RUNX2: variants seen among roughly 807,000 people sequenced by gnomAD.
The protein encoded by RUNX2 is RUNX family transcription factor 2, also known as runt-related transcription factor 2.
RUNX2 carries 10 observed loss-of-function variants against 51.7 expected under a neutral mutation model. That is an observed-to-expected ratio of 0.19 (90% CI 0.12 to 0.33). RUNX2 has a LOEUF of 0.33. RUNX2 is among the 10% of genes least tolerant of loss of function. RUNX2 has a pLI of 1.00. For missense variants in RUNX2, 562 were observed against 691.3 expected (o/e 0.81, Z 2.10); for synonymous variants, 276 against 273.6 (o/e 1.01, Z -0.09).
intron 5 of RUNX2, among the ~76,000 whole-genome samples, chr6:45,470,800 G>A (rs1799778480): frequency 6.6e-6 from 1 of 152,156 alleles, no homozygotes; most frequent in African/African-American, 2.4e-5. Flanking sequence ...CTGAAGACAT[G>A]CCTCAAACTC....
chr6:45,368,289 A>G (rs2150294973), intron 2 of RUNX2, among the ~76,000 whole-genome samples: 1 of 152,324 alleles, frequency 6.6e-6, no homozygotes, highest in South Asian at 2.1e-4. Context: ...TCTGATTAAT[A>G]GTATTTAAAC....
intron 3 of RUNX2, among the ~76,000 whole-genome samples, chr6:45,430,018 T>A (rs1798494153): frequency 1.3e-5 from 2 of 151,296 alleles, no homozygotes; most frequent in African/African-American, 4.9e-5. Flanking sequence ...CACTTGAACC[T>A]GGGAGGTGGA....
At chr6:45,432,454 G>T (rs181001796) in intron 4 of RUNX2, among the ~76,000 whole-genome samples, 2 of 152,110 alleles carry the variant, frequency 1.3e-5, no homozygotes, top group African/African-American at 4.8e-5. Flanking sequence ...CTTATCACAG[G>T]TTACCTCTAT....
At chr6:45,488,252 T>C (rs951403085) in intron 5 of RUNX2, among the ~76,000 whole-genome samples, 2 of 152,032 alleles carry the variant, frequency 1.3e-5, no homozygotes, top group Non-Finnish European at 2.9e-5. Context: ...TCAAGGAAAA[T>C]GTCTAGGCTT....
rs778680839 is a variant in RUNX2, at chr6:45,422,747, G to GCAACAGCAGCA, written c.213_214insCAACAGCAGCA (p.Glu72GlnfsTer76). On this transcript the variant is annotated frameshift_variant, in exon 3 of 9. Coordinates refer to ENST00000647337, the MANE Select transcript of RUNX2 (RefSeq NM_001024630.4). LOFTEE classifies it high-confidence loss of function. ...AGCAGCAACAGCAGCAGCAGCAGCA[G>GCAACAGCAGCA]GAGGCGGCGGCGGCGGCTGCGGCGG... 1 of 1,542,578 alleles carries GCAACAGCAGCA rather than the reference G, an allele frequency of 6.5e-7. No homozygotes were observed. Among genetic ancestry groups the GCAACAGCAGCA allele is most frequent in the Admixed American group, 2.0e-5 (1 of 49,362 alleles).
At chr6:45,437,917 A>T in intron 4 of RUNX2, 30 bp from the exon 5 acceptor site, 4 of 1,462,598 alleles carry the variant, frequency 2.7e-6, no homozygotes, top group Non-Finnish European at 3.8e-6. Flanking sequence ...TTTAATATTC[A>T]CTGTATATTT....
chr6:45,354,572 A>C (rs1792752473), intron 2 of RUNX2, among the ~76,000 whole-genome samples: 2 of 152,074 alleles, frequency 1.3e-5, no homozygotes, highest in Non-Finnish European at 2.9e-5. Context: ...AAGGGGCTTC[A>C]CTGCATTTAA....
intron 5 of RUNX2, among the ~76,000 whole-genome samples, chr6:45,471,370 T>C (rs920269763): frequency 1.3e-5 from 2 of 152,016 alleles, no homozygotes; most frequent in Non-Finnish European, 2.9e-5. Context: ...AAGCAGGGTG[T>C]TTTGTGCATA....
At chr6:45,332,476 A>G (rs1787712568) in intron 2 of RUNX2, among the ~76,000 whole-genome samples, 1 of 151,844 alleles carries the variant, frequency 6.6e-6, no homozygotes, top group Non-Finnish European at 1.5e-5. Context: ...TGACGGCAAA[A>G]CAGGGTAACA....
intron 4 of RUNX2, among the ~76,000 whole-genome samples, chr6:45,435,808 G>T (rs1359383173): frequency 1.3e-5 from 2 of 152,178 alleles, no homozygotes; most frequent in African/African-American, 4.8e-5. Flanking sequence ...TGGGCCCATA[G>T]ACCACTAATC....
chr6:45,405,722 G>T (rs1180949609), intron 2 of RUNX2, among the ~76,000 whole-genome samples: 1 of 152,114 alleles, frequency 6.6e-6, no homozygotes, highest in Non-Finnish European at 1.5e-5. Flanking sequence ...AGGAGGCAGA[G>T]GTTGCAGTGA....
At chr6:45,395,521 A>G (rs1797562458) in intron 2 of RUNX2, among the ~76,000 whole-genome samples, 1 of 152,246 alleles carries the variant, frequency 6.6e-6, no homozygotes, top group African/African-American at 2.4e-5. Context: ...ACATAAGAAG[A>G]GAGTAAAATA....
intron 5 of RUNX2, among the ~76,000 whole-genome samples, chr6:45,441,247 TAA>T (rs1044751761): frequency 4.9e-4 from 75 of 152,336 alleles, no homozygotes; most frequent in Middle Eastern, 3.4e-3. Flanking sequence ...CTCCTTCCTC[TAA>T]AGATCTGAAT....
chr6:45,519,790 A>ATATATATATG (rs1554398519), intron 7 of RUNX2, among the ~76,000 whole-genome samples: 2 of 124,086 alleles, frequency 1.6e-5, no homozygotes, highest in African/African-American at 6.1e-5. Flanking sequence ...ATATATATAT[A>ATATATATATG]TGTGTGTGTG....
intron 5 of RUNX2, among the ~76,000 whole-genome samples, chr6:45,481,993 A>G (rs565849232): frequency 6.6e-6 from 1 of 152,364 alleles, no homozygotes; most frequent in South Asian, 2.1e-4. Context: ...AACAACAGGC[A>G]GACAAATTTG....
chr6:45,342,738 C>T (rs1003051906), intron 2 of RUNX2, among the ~76,000 whole-genome samples: 3 of 147,572 alleles, frequency 2.0e-5, no homozygotes, highest in African/African-American at 4.9e-5. Flanking sequence ...TAATAGTTTG[C>T]GTTAATGTTT....
intron 2 of RUNX2, among the ~76,000 whole-genome samples, chr6:45,369,508 A>G (rs1278081099): frequency 6.6e-6 from 1 of 152,148 alleles, no homozygotes; most frequent in Non-Finnish European, 1.5e-5. Context: ...GACAGTTGAC[A>G]TCATCTTCTA....
chr6:45,423,104 C>CTT lies in RUNX2; in HGVS notation c.423+147_423+148insTT, dbSNP rs1798270176. ...ACCCCAGAAACCCCCGGCCGGGCCT[C>CTT]CCTCCGGATGCCCTGGCGGGCTCGG... On this transcript the variant is annotated intron_variant, in intron 3 of 8. Transcript: ENST00000647337. 3.7e-6 allele frequency: 4 copies of CTT among 1,088,246 alleles called. No homozygotes were observed. In the African/African-American group the frequency reaches 4.8e-5, roughly 13 times the overall value. 67.4% of individuals were successfully genotyped at this position (1,088,246 alleles called of 1,614,324 possible).
Position 45,422,663 on chromosome 6 carries a change from C to T in RUNX2, c.129C>T (p.Ser43=), listed in dbSNP as rs1401990285. The change falls in exon 3 of 9, where the codon AGC becomes AGT. Residue 43 remains serine, a synonymous_variant. Coordinates refer to ENST00000647337, the MANE Select transcript of RUNX2 (RefSeq NM_001024630.4). The part of the protein sequence containing the change: ...SLQPGKMSDV[S]PVVAAQQQQQ... ...AGCCCGGCAAAATGAGCGACGTGAG[C>T]CCGGTGGTGGCTGCGCAACAGCAGC... The T allele has an allele frequency of 1.9e-6, 3 of 1,607,170 alleles. No individual in the cohort carries two copies. The highest frequency in any genetic ancestry group is 1.7e-5 in the Admixed American group (1 of 59,028).
Sources: gnomAD v4.1 joint callset for allele counts (sites outside exome capture counted in the v4.1 genomes callset) on GRCh38, gnomAD v4.1.1 for gene constraint, MANE v1.5 for transcripts, NCBI Gene and HGNC (gene_info 2026-07-23, HGNC 2026-07-21) for gene names.